The following HECW1 variants were observed in gnomAD, a reference collection of about 807,000 sequenced individuals.
HECW1 encodes HECT, C2 and WW domain containing E3 ubiquitin protein ligase 1, also known as E3 ubiquitin-protein ligase HECW1.
In HECW1, 61 loss-of-function variants were observed where a neutral mutation model predicts 182.3. The observed-to-expected ratio is 0.33, with a 90% CI of 0.27 to 0.41. The LOEUF (loss-of-function observed/expected upper bound fraction) is 0.41, where lower values mean the gene tolerates loss of function less well. Ranked by LOEUF, HECW1 falls within the 10% of genes least tolerant of loss-of-function variation. The pLI, the probability that HECW1 is intolerant of heterozygous loss-of-function variation, is 1.00. For missense variants in HECW1, 1,739 were observed against 2,108.9 expected (o/e 0.82, Z 3.44); for synonymous variants, 859 against 832.6 (o/e 1.03, Z -0.55).
intron 24 of HECW1, among the ~76,000 whole-genome samples, chr7:43,520,910 C>T (rs948063377): frequency 1.3e-5 from 2 of 152,194 alleles, no homozygotes; most frequent in African/African-American, 4.8e-5. Context: ...TGGATCAGGG[C>T]AACATCTTAT....
At chr7:43,502,333 A>C (rs10246139) in intron 21 of HECW1, among the ~76,000 whole-genome samples, 21 of 152,010 alleles carry the variant, frequency 1.4e-4, no homozygotes, top group African/African-American at 4.6e-4. Flanking sequence ...TCCAAGTGAG[A>C]GAATACATAT....
chr7:43,498,565 T>C (rs1162812855), intron 19 of HECW1, among the ~76,000 whole-genome samples: 1 of 152,128 alleles, frequency 6.6e-6, no homozygotes, highest in Non-Finnish European at 1.5e-5. Context: ...GTTGAGGACA[T>C]AGGCAGAGGG....
At chr7:43,296,518 T>TGGACGCAGCTGC (rs1008737964) in intron 3 of HECW1, among the ~76,000 whole-genome samples, 1 of 152,166 alleles carries the variant, frequency 6.6e-6, no homozygotes, top group Non-Finnish European at 1.5e-5. Context: ...GGCGCAGCTG[T>TGGACGCAGCTGC]GGACGCAGCT....
intron 2 of HECW1, among the ~76,000 whole-genome samples, chr7:43,158,540 G>GA (rs566539759): frequency 8.6e-4 from 131 of 152,254 alleles, no homozygotes; most frequent in African/African-American, 2.8e-3. Context: ...ATTTCTGAAT[G>GA]AAAAAGGAGC....
At chr7:43,498,388 G>A (rs1342159207) in intron 19 of HECW1, among the ~76,000 whole-genome samples, 1 of 152,150 alleles carries the variant, frequency 6.6e-6, no homozygotes, top group Admixed American at 6.5e-5. Flanking sequence ...GATCCCTTGG[G>A]GCAGGAGGAT....
intron 5 of HECW1, among the ~76,000 whole-genome samples, chr7:43,353,250 A>T (rs1303703052): frequency 6.6e-6 from 1 of 152,168 alleles, no homozygotes; most frequent in Non-Finnish European, 1.5e-5. Flanking sequence ...TAATGATTTA[A>T]TATCCCTTTT....
chr7:43,325,700 T>A (rs1217093465), intron 5 of HECW1, among the ~76,000 whole-genome samples: 1 of 152,064 alleles, frequency 6.6e-6, no homozygotes, highest in African/African-American at 2.4e-5. Context: ...ATTTTCAACC[T>A]CCGTGCCTTG....
At chr7:43,222,303 G>A (rs1386803032) in intron 2 of HECW1, among the ~76,000 whole-genome samples, 1 of 152,170 alleles carries the variant, frequency 6.6e-6, no homozygotes, top group Non-Finnish European at 1.5e-5. Flanking sequence ...CATGAACCAA[G>A]TCAGCTTTCC....
intron 3 of HECW1, among the ~76,000 whole-genome samples, chr7:43,306,431 T>C (rs1423685743): frequency 6.6e-6 from 1 of 151,900 alleles, no homozygotes; most frequent in Non-Finnish European, 1.5e-5. Context: ...CAAAGCCGAG[T>C]GTAGGATAGC....
intron 17 of HECW1, among the ~76,000 whole-genome samples, chr7:43,481,927 A>G (rs1445595901): frequency 6.7e-6 from 1 of 149,456 alleles, no homozygotes. Context: ...GTGAGCCGAG[A>G]TGGCACCACT....
intron 2 of HECW1, among the ~76,000 whole-genome samples, chr7:43,201,699 A>G (rs565929337): frequency 6.6e-6 from 1 of 152,250 alleles, no homozygotes; most frequent in African/African-American, 2.4e-5. Context: ...ACTCTAGACT[A>G]GGGAATCTTG....
chr7:43,264,961 C>T (rs1801615946), intron 3 of HECW1, among the ~76,000 whole-genome samples: 3 of 152,012 alleles, frequency 2.0e-5, no homozygotes, highest in African/African-American at 7.3e-5. Context: ...ATTTGCTCCT[C>T]CATTTTTTCT....
intron 5 of HECW1, among the ~76,000 whole-genome samples, chr7:43,328,574 T>C (rs934624196): frequency 2.0e-5 from 3 of 152,122 alleles, no homozygotes; most frequent in African/African-American, 7.2e-5. Flanking sequence ...GACGCAGGCG[T>C]GCAGTCACTT....
intron 8 of HECW1, among the ~76,000 whole-genome samples, chr7:43,411,374 T>C (rs184775090): frequency 6.6e-6 from 1 of 152,176 alleles, no homozygotes; most frequent in African/African-American, 2.4e-5. Context: ...TATTTAAATT[T>C]ATCAAGCCAT....
intron 2 of HECW1, among the ~76,000 whole-genome samples, chr7:43,206,070 C>T (rs979218222): frequency 2.6e-5 from 4 of 152,220 alleles, no homozygotes; most frequent in African/African-American, 9.6e-5. Flanking sequence ...GTGGCTCTTT[C>T]TTTCTCCTCT....
intron 6 of HECW1, among the ~76,000 whole-genome samples, chr7:43,383,362 T>A (rs1330586681): frequency 2.0e-5 from 3 of 152,252 alleles, no homozygotes; most frequent in Non-Finnish European, 2.9e-5. Context: ...TGCCACACTG[T>A]CTTCCACAAT....
At chr7:43,227,645 A>T (rs1797545415) in intron 2 of HECW1, among the ~76,000 whole-genome samples, 1 of 152,296 alleles carries the variant, frequency 6.6e-6, no homozygotes. Flanking sequence ...CTGTTAATTG[A>T]CATTTTTTCT....
At chr7:43,162,325 G>A (rs1790630292) in intron 2 of HECW1, among the ~76,000 whole-genome samples, 1 of 152,326 alleles carries the variant, frequency 6.6e-6, no homozygotes, top group East Asian at 1.9e-4. Context: ...GCATTGGCAG[G>A]GCTGTACTCC....
chr7:43,336,420 A>G (rs977479819), intron 5 of HECW1, among the ~76,000 whole-genome samples: 1 of 152,016 alleles, frequency 6.6e-6, no homozygotes, highest in Non-Finnish European at 1.5e-5. Context: ...CCTTCACCTC[A>G]GCCTCTCAAA....
Sources: gnomAD v4.1 joint callset for allele counts (sites outside exome capture counted in the v4.1 genomes callset) on GRCh38, gnomAD v4.1.1 for gene constraint, MANE v1.5 for transcripts, NCBI Gene and HGNC (gene_info 2026-07-23, HGNC 2026-07-21) for gene names.